EHHADH: variants seen among roughly 807,000 people sequenced by gnomAD.
EHHADH encodes the protein enoyl-CoA hydratase and 3-hydroxyacyl CoA dehydrogenase, also known as peroxisomal bifunctional enzyme.
Under a neutral mutation model 64.4 loss-of-function variants are expected in EHHADH, and 48 were observed. The ratio of observed to expected loss-of-function variants is 0.75; its 90% CI spans 0.59 to 0.95. EHHADH has a LOEUF of 0.95. EHHADH is among the 40% of genes least tolerant of loss of function. The pLI is 0.00. For synonymous variants in EHHADH, 308 were observed against 326.7 expected (o/e 0.94, Z 0.62); for missense variants, 854 against 876.6 (o/e 0.97, Z 0.33).
chr3:185,202,798 T>C (rs1263260477), intron 6 of EHHADH, among the ~76,000 whole-genome samples: 2 of 152,170 alleles, frequency 1.3e-5, no homozygotes, highest in African/African-American at 2.4e-5. Context: ...TGAAAAATTG[T>C]ATTCCGTGAA....
chr3:185,237,650 A>G (rs559408659), intron 2 of EHHADH, among the ~76,000 whole-genome samples: 1 of 152,184 alleles, frequency 6.6e-6, no homozygotes, highest in Admixed American at 6.5e-5. Context: ...AATGGGATGA[A>G]TTTCATTAAT....
intron 6 of EHHADH, among the ~76,000 whole-genome samples, chr3:185,199,734 T>C (rs966155761): frequency 2.0e-5 from 3 of 152,202 alleles, no homozygotes; most frequent in Admixed American, 2.0e-4. Context: ...GGCTGGGTTT[T>C]TGTTTTGTTT....
intron 5 of EHHADH, among the ~76,000 whole-genome samples, chr3:185,210,580 A>G (rs2108633229): frequency 6.6e-6 from 1 of 150,752 alleles, no homozygotes; most frequent in South Asian, 2.1e-4. Flanking sequence ...GGTTGCAGTG[A>G]GCCGAGATTG....
rs575651139 is a variant in EHHADH at position 185,239,184 on chromosome 3, T to C, written c.179-3722A>G. ...CAGTACCATGCTGGTTTGGTTACCA[T>C]AGCCTTATAATATAATATGAAGTCA... On this transcript the variant is annotated intron_variant, in intron 2 of 6. Coordinates refer to ENST00000231887, the MANE Select transcript of EHHADH (RefSeq NM_001966.4). Among the ~76,000 whole-genome samples, 13 of 152,290 alleles carry C rather than the reference T, an allele frequency of 8.5e-5. No individual in the cohort carries two copies. In the South Asian group the frequency reaches 2.7e-3, roughly 32 times the overall value.
chr3:185,223,831 T>C (rs1055920658), intron 4 of EHHADH, among the ~76,000 whole-genome samples: 1 of 152,166 alleles, frequency 6.6e-6, no homozygotes, highest in Non-Finnish European at 1.5e-5. Flanking sequence ...GGACAGCACC[T>C]AGAAAATAAA....
Position 185,229,341 on chromosome 3 carries a change from T to C in EHHADH, c.463+91A>G, listed in dbSNP as rs555246427. 1.5e-5 allele frequency: 9 copies of C among 618,000 alleles called. No individual in the cohort carries two copies. In the South Asian group the frequency reaches 3.9e-4, roughly 27 times the overall value. The allele number at this position is 618,000 out of a possible 1,614,324, so 38.3% of individuals were successfully genotyped here. ...GTTCAAGAATCCTTTTATGGTTACA[T>C]AGGGAGTAGGTGGTCAAGCCAGAAT... is the stretch of plus-strand genomic sequence containing the variant. On this transcript the variant is annotated intron_variant, in intron 4 of 6. Transcript: ENST00000231887.
chr3:185,247,050 T>C (rs1404524911), intron 2 of EHHADH, among the ~76,000 whole-genome samples: 1 of 152,194 alleles, frequency 6.6e-6, no homozygotes, highest in Non-Finnish European at 1.5e-5. Context: ...ATTTTTGTTA[T>C]TGATTTCTAG....
chr3:185,243,213 A>G (rs1324934281), intron 2 of EHHADH, among the ~76,000 whole-genome samples: 1 of 152,128 alleles, frequency 6.6e-6, no homozygotes, highest in Non-Finnish European at 1.5e-5. Flanking sequence ...AGTATTTGGG[A>G]TGTCTCCTGT....
intron 6 of EHHADH, among the ~76,000 whole-genome samples, chr3:185,195,024 C>A (rs1005313102): frequency 2.0e-5 from 3 of 151,942 alleles, no homozygotes; most frequent in Admixed American, 2.0e-4. Context: ...AACTGGATAT[C>A]CACATGCAAA....
intron 2 of EHHADH, among the ~76,000 whole-genome samples, chr3:185,236,370 C>G (rs941282170): frequency 7.2e-6 from 1 of 138,652 alleles, no homozygotes; most frequent in Admixed American, 7.2e-5. Context: ...CCTGCCCCCC[C>G]ACCCTCCCAG....
Position 185,246,029 on chromosome 3 carries a change from A to G in EHHADH, c.178+2385T>C, listed in dbSNP as rs1719585384. 5.3e-6 allele frequency: 7 copies of G among 1,328,132 alleles called. No homozygotes were observed. In the East Asian group the frequency reaches 1.6e-4, roughly 31 times the overall value. The allele number at this position is 1,328,132 out of a possible 1,614,324, so 82.3% of individuals were successfully genotyped here. A position where few individuals can be genotyped will look rare whatever the true frequency, so the allele number is the denominator to read the frequency against. ...ATCTTCTAGAGCTTCATCTTTCTCT[A>G]GTAGTTCATCCTCATCTGGGAACTT... is the stretch of plus-strand genomic sequence containing the variant. On this transcript the variant is annotated intron_variant, in intron 2 of 6. Coordinates refer to ENST00000231887, the MANE Select transcript of EHHADH (RefSeq NM_001966.4).
intron 6 of EHHADH, among the ~76,000 whole-genome samples, chr3:185,194,592 A>G (rs923792143): frequency 1.3e-5 from 2 of 149,598 alleles, no homozygotes; most frequent in African/African-American, 5.0e-5. Context: ...AGCCTGGGCA[A>G]CAAGATTGAA....
In EHHADH at chr3:185,248,529, C is replaced by A. The variant is rs1158071537; in HGVS notation, c.75-12G>T. ...GGAGTAAAGTCGTACTAAAAGAAAACAAAATACATGAAGTAAATCAGTCAG... is the reference window on the plus strand; with the variant it reads ...GGAGTAAAGTCGTACTAAAAGAAAAAAAAATACATGAAGTAAATCAGTCAG... On this transcript the variant is annotated splice_polypyrimidine_tract_variant and intron_variant, in intron 1 of 6. Coordinates refer to ENST00000231887, the MANE Select transcript of EHHADH (RefSeq NM_001966.4). 6.4e-7 allele frequency: 1 copy of A among 1,562,630 alleles called. No homozygotes were observed. The highest frequency in any genetic ancestry group is 1.7e-5 in the Admixed American group (1 of 58,254).
intron 6 of EHHADH, among the ~76,000 whole-genome samples, chr3:185,197,954 G>A (rs1306353997): frequency 6.6e-6 from 1 of 152,014 alleles, no homozygotes; most frequent in Non-Finnish European, 1.5e-5. Context: ...GCACCACCAC[G>A]TCCAGCTAAT....
intron 4 of EHHADH, among the ~76,000 whole-genome samples, chr3:185,227,526 C>T (rs182933399): frequency 2.3e-4 from 34 of 148,652 alleles, no homozygotes; most frequent in Non-Finnish European, 4.6e-4. Flanking sequence ...GAGTGAAACT[C>T]GGTCTCAAAA....
In EHHADH at chr3:185,193,496, A is replaced by G; in HGVS notation, c.911-9T>C. ...GCCCATTGTTCCCAAGCCTGCAGAT[A>G]AAAATCAAAGGAGAAAAAGAATGAT... On this transcript the variant is annotated splice_polypyrimidine_tract_variant and intron_variant, in intron 6 of 6. Transcript: ENST00000231887. The G allele has an allele frequency of 6.2e-7, 1 of 1,610,310 alleles. No individual in the cohort carries two copies. The highest frequency in any genetic ancestry group is 2.2e-5 in the East Asian group (1 of 44,878).
At chr3:185,225,073 C>T (rs1718937960) in intron 4 of EHHADH, among the ~76,000 whole-genome samples, 1 of 152,276 alleles carries the variant, frequency 6.6e-6, no homozygotes, top group Admixed American at 6.5e-5. Context: ...CATGTTATTT[C>T]ATTATTCCTT....
At chr3:185,205,427 T>G (rs2108630235) in intron 5 of EHHADH, among the ~76,000 whole-genome samples, 1 of 152,238 alleles carries the variant, frequency 6.6e-6, no homozygotes, top group East Asian at 1.9e-4. Flanking sequence ...ACAAAAACTT[T>G]AAAATACCTA....
At chr3:185,222,025 A>G (rs975487555) in intron 4 of EHHADH, among the ~76,000 whole-genome samples, 1 of 152,138 alleles carries the variant, frequency 6.6e-6, no homozygotes, top group Non-Finnish European at 1.5e-5. Flanking sequence ...GTGTTTATGT[A>G]GGTTATATAT....
Sources: gnomAD v4.1 joint callset for allele counts (sites outside exome capture counted in the v4.1 genomes callset) on GRCh38, gnomAD v4.1.1 for gene constraint, MANE v1.5 for transcripts, NCBI Gene and HGNC (gene_info 2026-07-23, HGNC 2026-07-21) for gene names.